MGRN1: variants seen among roughly 807,000 people sequenced by gnomAD.
MGRN1 encodes the protein mahogunin ring finger 1.
Under a neutral mutation model 69.2 loss-of-function variants are expected in MGRN1, and 29 were observed. That is an observed-to-expected ratio of 0.42 (90% CI 0.31 to 0.57). The LOEUF is 0.57. Ranked by LOEUF, MGRN1 falls within the 20% of genes least tolerant of loss-of-function variation. The pLI, the probability that MGRN1 is intolerant of heterozygous loss-of-function variation, is 0.15. For missense variants in MGRN1, 998 were observed against 796.2 expected, an observed-to-expected ratio of 1.25 and a Z score of -3.05; for synonymous variants, 470 against 344.2, an observed-to-expected ratio of 1.37 and a Z score of -4.04.
At chr16:4,649,207 A>T (rs1227851411) in intron 1 of MGRN1, 1 of 152,340 alleles carries the variant, frequency 6.6e-6, no homozygotes, top group Non-Finnish European at 1.5e-5. Context: ...AGAGACTTCT[A>T]AACCCGGCTG....
chr16:4,633,942 C>T (rs1813806730), intron 1 of MGRN1: 1 of 152,152 alleles, frequency 6.6e-6, no homozygotes, highest in African/African-American at 2.4e-5. Flanking sequence ...TGGTCTCCAT[C>T]TCCTGACCTC....
intron 8 of MGRN1, among the ~76,000 whole-genome samples, chr16:4,668,576 TAC>T (rs1010042405): frequency 7.3e-5 from 11 of 150,790 alleles, no homozygotes; most frequent in East Asian, 1.9e-4. Context: ...CACACACTCA[TAC>T]AGACACGACA....
In MGRN1 at chr16:4,625,097, G is replaced by A. The variant is rs747983488; in HGVS notation, c.88+49G>A. ...GACTGCTAGGCACGCGCTGGAACGC[G>A]GACCCGGCGGGCGCGGGGGCGGGGA... On this transcript the variant is annotated intron_variant, in intron 1 of 16. Coordinates refer to ENST00000262370, the MANE Select transcript of MGRN1 (RefSeq NM_015246.4). 4.8e-6 allele frequency: 7 copies of A among 1,469,032 alleles called. No individual in the cohort carries two copies. In the Admixed American group the frequency reaches 1.8e-4, roughly 39 times the overall value. 91.0% of individuals were successfully genotyped at this position (1,469,032 alleles called of 1,614,324 possible). A position where few individuals can be genotyped will look rare whatever the true frequency, so the allele number is the denominator to read the frequency against.
At chr16:4,679,176 C>T (rs894197050) in intron 11 of MGRN1, among the ~76,000 whole-genome samples, 4 of 152,206 alleles carry the variant, frequency 2.6e-5, no homozygotes, top group Non-Finnish European at 5.9e-5. Context: ...GAAGCAGCCC[C>T]TGAGGGATTT....
intron 1 of MGRN1, among the ~76,000 whole-genome samples, chr16:4,638,958 G>C (rs1426361684): frequency 6.6e-6 from 1 of 152,100 alleles, no homozygotes; most frequent in Non-Finnish European, 1.5e-5. Flanking sequence ...TCACATCCTG[G>C]CTTACTTCCC....
At chr16:4,626,222 G>C (rs1897671246) in intron 1 of MGRN1, among the ~76,000 whole-genome samples, 1 of 152,224 alleles carries the variant, frequency 6.6e-6, no homozygotes, top group Non-Finnish European at 1.5e-5. Flanking sequence ...GAAGGGGATG[G>C]ACTCAGAGCT....
chr16:4,665,754 C>G (rs1410768378), intron 7 of MGRN1, among the ~76,000 whole-genome samples: 2 of 150,042 alleles, frequency 1.3e-5, no homozygotes, highest in African/African-American at 4.9e-5. Context: ...ACTGCAACCT[C>G]TGCCTCCCAG....
intron 4 of MGRN1, among the ~76,000 whole-genome samples, chr16:4,654,074 GT>G (rs2078472041): frequency 6.6e-6 from 1 of 152,092 alleles, no homozygotes; most frequent in Non-Finnish European, 1.5e-5. Flanking sequence ...GTTTTTGTTT[GT>G]TTTTCCTCGG....
chr16:4,687,474 A>C (rs2079354148), intron 16 of MGRN1: 2 of 956,538 alleles, frequency 2.1e-6, no homozygotes, highest in Non-Finnish European at 2.5e-6. Flanking sequence ...GGAGCTGGGG[A>C]GGTCAAGGCC....
chr16:4,673,453 C>G (rs773511862), intron 9 of MGRN1, 45 bp from the exon 10 acceptor site: 8 of 1,598,384 alleles, frequency 5.0e-6, no homozygotes, highest in South Asian at 2.2e-5. Context: ...GAGCCGTACT[C>G]TGGCCTTTGG....
At chr16:4,673,407 G>A (rs1003842320) in intron 9 of MGRN1, 91 bp from the exon 10 acceptor site, 363 of 1,506,062 alleles carry the variant, frequency 2.4e-4, no homozygotes, top group Admixed American at 1.0e-3. Context: ...CCAGGGTAGG[G>A]TGGAGTGGGG....
intron 8 of MGRN1, among the ~76,000 whole-genome samples, chr16:4,668,743 TACAC>T (rs1005720819): frequency 2.2e-5 from 3 of 139,144 alleles, no homozygotes; most frequent in Admixed American, 7.2e-5. Context: ...CACATACTGA[TACAC>T]ACACATATAC....
intron 5 of MGRN1, among the ~76,000 whole-genome samples, chr16:4,660,644 C>T (rs1462549442): frequency 2.0e-5 from 3 of 152,220 alleles, no homozygotes; most frequent in Non-Finnish European, 2.9e-5. Flanking sequence ...TCTGCCTCCC[C>T]CGTTTGGCTC....
intron 1 of MGRN1, among the ~76,000 whole-genome samples, chr16:4,643,479 C>T (rs959349650): frequency 1.3e-5 from 2 of 150,120 alleles, no homozygotes; most frequent in Non-Finnish European, 2.9e-5. Context: ...AAGGAATTCT[C>T]CTGCCTCAGC....
intron 4 of MGRN1, among the ~76,000 whole-genome samples, chr16:4,656,948 A>T (rs2078557833): frequency 6.6e-6 from 1 of 152,196 alleles, no homozygotes; most frequent in Non-Finnish European, 1.5e-5. Context: ...CTTAGCACCG[A>T]TGGAAAGGAA....
At chr16:4,636,750 C>T (rs1898313140) in intron 1 of MGRN1, among the ~76,000 whole-genome samples, 1 of 152,134 alleles carries the variant, frequency 6.6e-6, no homozygotes, top group East Asian at 1.9e-4. Context: ...TGAGGTTGAG[C>T]GCCTTTCTCT....
intron 1 of MGRN1, among the ~76,000 whole-genome samples, chr16:4,636,851 G>C (rs964194600): frequency 6.6e-6 from 1 of 152,116 alleles, no homozygotes; most frequent in African/African-American, 2.4e-5. Context: ...CAGGCTCAGT[G>C]GCTCACACCT....
rs551849578 is a variant in MGRN1 at position 4,644,060 on chromosome 16, C to T, written c.89-6305C>T. Among the ~76,000 whole-genome samples, 5 of 152,124 alleles carry T rather than the reference C, an allele frequency of 3.3e-5. No homozygotes were observed. In the East Asian group the frequency reaches 9.7e-4, roughly 29 times the overall value. ...TGGTGCAATCTCGGCTCCCTGCAAC[C>T]TCTGCCTCCCAGATGCAAGCAATTC... On this transcript the variant is annotated intron_variant, in intron 1 of 16. Coordinates refer to ENST00000262370, the MANE Select transcript of MGRN1 (RefSeq NM_015246.4).
chr16:4,690,773 C>G lies in MGRN1; in HGVS notation c.*1865C>G, dbSNP rs2079440626. On this transcript the variant is annotated 3_prime_UTR_variant, in exon 17 of 17. Coordinates refer to ENST00000262370, the MANE Select transcript of MGRN1 (RefSeq NM_015246.4). ...ATGCACCTCTCCCCAACAACACACACAGCCCCCTGCACCGCCCGCCCCCCG... is the reference window on the plus strand; with the variant it reads ...ATGCACCTCTCCCCAACAACACACAGAGCCCCCTGCACCGCCCGCCCCCCG... 6.8e-6 allele frequency: 1 copy of G among 147,974 alleles called. No homozygotes were observed. The highest frequency in any genetic ancestry group is 2.5e-5 in the African/African-American group (1 of 39,856). 9.2% of individuals were successfully genotyped at this position (147,974 alleles called of 1,614,324 possible).
Sources: allele counts gnomAD v4.1 joint callset (sites outside exome capture counted in the v4.1 genomes callset), GRCh38; gene constraint gnomAD v4.1.1; transcripts MANE v1.5; gene names NCBI Gene and HGNC (gene_info 2026-07-23, HGNC 2026-07-21).